CLDN14: variants seen among roughly 807,000 people sequenced by gnomAD.
CLDN14 encodes claudin-14.
Under a neutral mutation model 2.1 loss-of-function variants are expected in CLDN14, and 2 were observed. The observed-to-expected ratio is 0.96, with a 90% confidence interval of 0.39 to 3.01. The LOEUF is 3.01. Ranked by LOEUF, CLDN14 falls within the 30% of genes most tolerant of loss-of-function variation. The probability of loss-of-function intolerance (pLI) is 0.09; values close to 1 mark genes in which losing one functional copy is unlikely to be tolerated. For missense variants in CLDN14, 298 were observed against 328.0 expected (o/e 0.91, Z 0.71); for synonymous variants, 136 against 154.4 (o/e 0.88, Z 0.88).
At chr21:36,538,725 G>T (rs150865051) in intron 1 of CLDN14, among the ~76,000 whole-genome samples, 1 of 151,698 alleles carries the variant, frequency 6.6e-6, no homozygotes, top group East Asian at 1.9e-4. Flanking sequence ...TCAGGATGCT[G>T]CAGTGCTCCC....
rs528126495 is a variant in CLDN14, at chr21:36,572,775, T to G, written c.-220+3636A>C. Among the ~76,000 whole-genome samples the G allele has an allele frequency of 6.6e-5, 10 of 152,302 alleles. No homozygotes were observed. In the East Asian group the frequency reaches 1.7e-3, roughly 26 times the overall value. On this transcript the variant is annotated intron_variant, in intron 1 of 2. Transcript: ENST00000342108. ...TTGGGACCTGACATGTGACTTAAAC[T>G]AAGCTTTAGTTTCCTTGTTTGTAAA...
intron 1 of CLDN14, among the ~76,000 whole-genome samples, chr21:36,519,976 G>A (rs1368204402): frequency 2.0e-5 from 3 of 152,074 alleles, no homozygotes; most frequent in East Asian, 1.9e-4. Flanking sequence ...AAATGACCAC[G>A]AGCTATGTGG....
At chr21:36,555,803 G>A (rs2087594360) in intron 1 of CLDN14, among the ~76,000 whole-genome samples, 1 of 101,848 alleles carries the variant, frequency 9.8e-6, no homozygotes, top group South Asian at 4.1e-4. Context: ...TTTTCTATAG[G>A]TCAGTGTGTG....
intron 2 of CLDN14, chr21:36,487,586 T>C (rs2086911056): frequency 6.6e-6 from 1 of 152,290 alleles, no homozygotes. Context: ...CGAGGATCAG[T>C]GAGGAAATGA....
intron 1 of CLDN14, chr21:36,526,298 T>G (rs2087328911): frequency 6.6e-6 from 1 of 152,238 alleles, no homozygotes; most frequent in South Asian, 2.1e-4. Flanking sequence ...AATAAAACTT[T>G]ATTTGCAAAA....
chr21:36,530,065 AT>A (rs1462892980), intron 1 of CLDN14, among the ~76,000 whole-genome samples: 1 of 152,202 alleles, frequency 6.6e-6, no homozygotes, highest in Non-Finnish European at 1.5e-5. Context: ...TCAGTTAAAG[AT>A]TAAGTCTTTG....
chr21:36,523,777 A>AAGAAAGAG lies in CLDN14; in HGVS notation c.-219-13278_-219-13277insCTCTTTCT, dbSNP rs1395016125. On this transcript the variant is annotated intron_variant, in intron 1 of 2. Coordinates refer to the CLDN14 transcript ENST00000342108. ...AAAAAAAAAAAGAAAGAAAGAGAGA[A>AAGAAAGAG]AGAGAGAAAGAAAGAAAGAAAGAAA... Among the ~76,000 whole-genome samples the AAGAAAGAG allele has an allele frequency of 1.2e-3, 84 of 68,920 alleles. 7 individuals carry two copies. Among genetic ancestry groups the AAGAAAGAG allele is most frequent in the African/African-American group, 5.2e-3 (80 of 15,500 alleles). 45.2% of individuals were successfully genotyped at this position (68,920 alleles called of 152,430 possible). A position where few individuals can be genotyped will look rare whatever the true frequency, so the allele number is the denominator to read the frequency against.
At chr21:36,507,377 C>T (rs1315824872) in intron 2 of CLDN14, among the ~76,000 whole-genome samples, 1 of 152,060 alleles carries the variant, frequency 6.6e-6, no homozygotes, top group African/African-American at 2.4e-5. Context: ...GTGGCCATCA[C>T]CAGGTGAGAA....
intron 2 of CLDN14, among the ~76,000 whole-genome samples, chr21:36,497,055 AAGGGAGGGAGGG>A (rs2087032081): frequency 2.6e-4 from 1 of 3,896 alleles, no homozygotes; most frequent in Non-Finnish European, 6.6e-4. Flanking sequence ...GGGAGGGAGG[AAGGGAGGGAGGG>A]AGGAAGGGAG....
At chr21:36,541,826 C>G (rs143073244) in intron 1 of CLDN14, among the ~76,000 whole-genome samples, 1 of 152,098 alleles carries the variant, frequency 6.6e-6, no homozygotes, top group African/African-American at 2.4e-5. Flanking sequence ...GTCTTTGTGA[C>G]GAGTACCTTG....
intron 2 of CLDN14, among the ~76,000 whole-genome samples, chr21:36,500,055 G>C (rs908892298): frequency 2.0e-5 from 3 of 152,266 alleles, no homozygotes; most frequent in Admixed American, 1.3e-4. Context: ...AAACACCCTG[G>C]GGCAACTCAG....
rs534870082 is a variant in CLDN14, at chr21:36,551,560, G to A, written c.-220+24851C>T. On this transcript the variant is annotated intron_variant, in intron 1 of 2. Transcript: ENST00000342108. The surrounding 1 kb of genome is among the most constrained non-coding windows in gnomAD (Gnocchi z 4.8). ...TGTAGCCAGCCCCTTGTTTAGGGAA[G>A]AGATGGGTCTAACAGCTGGGCATGC... 1.0e-3 allele frequency among the ~76,000 whole-genome samples: 154 copies of A among 152,250 alleles called. No homozygotes were observed. The highest frequency in any genetic ancestry group is 3.4e-3 in the African/African-American group (142 of 41,542).
chr21:36,502,667 G>A (rs895762496), intron 2 of CLDN14, among the ~76,000 whole-genome samples: 4 of 152,136 alleles, frequency 2.6e-5, no homozygotes, highest in African/African-American at 4.8e-5. Flanking sequence ...TATTTGACAC[G>A]GATGTCTTTA....
intron 1 of CLDN14, among the ~76,000 whole-genome samples, chr21:36,477,879 C>T (rs1022592686): frequency 1.3e-5 from 2 of 152,178 alleles, no homozygotes; most frequent in African/African-American, 4.8e-5. Flanking sequence ...GCAAATGGTG[C>T]GAGTGAAGAA....
chr21:36,537,850 A>T (rs1391407171), intron 1 of CLDN14, among the ~76,000 whole-genome samples: 1 of 152,096 alleles, frequency 6.6e-6, no homozygotes, highest in African/African-American at 2.4e-5. Flanking sequence ...GGGTTTCACC[A>T]TGTTGGTCAA....
chr21:36,477,832 C>T (rs538856983), intron 1 of CLDN14, among the ~76,000 whole-genome samples: 15 of 152,306 alleles, frequency 9.8e-5, no homozygotes, highest in African/African-American at 1.9e-4. Context: ...GTTGGTCACC[C>T]GGTGAAAAGT....
rs1481017862 is a variant in CLDN14, at chr21:36,518,096, ACACAC to A, written c.-219-7601_-219-7597del. Among the ~76,000 whole-genome samples, 11 of 151,830 alleles carry A rather than the reference ACACAC, an allele frequency of 7.2e-5. No homozygotes were observed. In the East Asian group the frequency reaches 2.1e-3, roughly 29 times the overall value. The stretch of plus-strand genomic sequence containing the variant: ...TACGTACACACACACACACACACAC[ACACAC>A]ACACACACGACCTGTTGGTTTTGTT... On this transcript the variant is annotated intron_variant, in intron 1 of 2. Transcript: ENST00000342108.
chr21:36,491,695 T>C (rs142988599), intron 2 of CLDN14, among the ~76,000 whole-genome samples: 17 of 152,132 alleles, frequency 1.1e-4, no homozygotes, highest in African/African-American at 4.1e-4. Flanking sequence ...GTCAGGAAAG[T>C]GGGGAGCCTG....
At position 36,561,891 on chromosome 21, in the gene CLDN14, C is replaced by T. The variant is rs117370624; in HGVS notation, c.-220+14520G>A. On this transcript the variant is annotated intron_variant, in intron 1 of 2. Transcript: ENST00000342108. The stretch of plus-strand genomic sequence containing the variant: ...ATGGTTTGGTCCTTCAAGCCTGGCT[C>T]TTGGTATGCCAGTGGGATAGACAAA... Among the ~76,000 whole-genome samples the T allele has an allele frequency of 8.8e-3, 1,332 of 151,646 alleles. 17 individuals are homozygous for T. The highest frequency in any genetic ancestry group is 0.014 in the Non-Finnish European group (940 of 67,860).
Sources: gnomAD v4.1 joint callset for allele counts (sites outside exome capture counted in the v4.1 genomes callset) on GRCh38, gnomAD v4.1.1 for gene constraint, Gnocchi (gnomAD v3.1) non-coding constraint, MANE v1.5 for transcripts, NCBI Gene and HGNC (gene_info 2026-07-23, HGNC 2026-07-21) for gene names.